ARB2A: variants seen among roughly 807,000 people sequenced by gnomAD.
ARB2A encodes cotranscriptional regulator ARB2A.
the ARB2A span, among the ~76,000 whole-genome samples, chr5:93,778,686 C>T: frequency 6.6e-6 from 1 of 152,094 alleles, no homozygotes; most frequent in Non-Finnish European, 1.5e-5. Flanking sequence ...TGAAAGTCAG[C>T]TATTAACCAG....
the ARB2A span, among the ~76,000 whole-genome samples, chr5:93,690,802 G>A: frequency 5.3e-5 from 8 of 152,140 alleles, no homozygotes; most frequent in Non-Finnish European, 1.0e-4. Context: ...ATACAGGAGA[G>A]CTCCGGCTGG....
chr5:93,983,440 C>T, the ARB2A span, among the ~76,000 whole-genome samples: 1 of 152,102 alleles, frequency 6.6e-6, no homozygotes, highest in East Asian at 1.9e-4. Flanking sequence ...ATAATTTAGG[C>T]ATCAAAATAA....
chr5:94,042,097 T>C, the ARB2A span, among the ~76,000 whole-genome samples: 2 of 152,082 alleles, frequency 1.3e-5, no homozygotes, highest in African/African-American at 4.8e-5. Flanking sequence ...AGATTAAAGG[T>C]TTAAAGGACT....
At chr5:94,035,150 C>T in the ARB2A span, among the ~76,000 whole-genome samples, 1 of 149,718 alleles carries the variant, frequency 6.7e-6, no homozygotes, top group Non-Finnish European at 1.5e-5. Flanking sequence ...CTCCAAGGAG[C>T]CCTGGCTTTT....
chr5:94,096,682 C>T, the ARB2A span, among the ~76,000 whole-genome samples: 1 of 152,090 alleles, frequency 6.6e-6, no homozygotes, highest in African/African-American at 2.4e-5. Context: ...AGAAGAGCCA[C>T]GATGGCCAGC....
At chr5:93,996,157 GTATAATA>G in the ARB2A span, among the ~76,000 whole-genome samples, 1 of 151,692 alleles carries the variant, frequency 6.6e-6, no homozygotes, top group Non-Finnish European at 1.5e-5. Context: ...GAAAGTTTTG[GTATAATA>G]TATATTATCT....
chr5:93,967,222 A>T, the ARB2A span, among the ~76,000 whole-genome samples: 5 of 152,246 alleles, frequency 3.3e-5, no homozygotes, highest in Admixed American at 6.5e-5. Context: ...AGCTGTGTTT[A>T]TAGATGGAAA....
the ARB2A span, among the ~76,000 whole-genome samples, chr5:93,936,544 C>T: frequency 6.6e-6 from 1 of 151,704 alleles, no homozygotes; most frequent in Non-Finnish European, 1.5e-5. Context: ...AATTTTTCAG[C>T]GGTAAAAATT....
the ARB2A span, among the ~76,000 whole-genome samples, chr5:93,948,720 C>G: frequency 6.6e-6 from 1 of 152,150 alleles, no homozygotes; most frequent in African/African-American, 2.4e-5. Context: ...TTTCAGCTTT[C>G]TACATACGGC....
At chr5:93,982,784 G>A in the ARB2A span, among the ~76,000 whole-genome samples, 1 of 152,238 alleles carries the variant, frequency 6.6e-6, no homozygotes, top group Admixed American at 6.5e-5. Context: ...GAAGGGCACA[G>A]TGGCTCATGC....
chr5:93,938,166 T>G, the ARB2A span, among the ~76,000 whole-genome samples: 1 of 152,110 alleles, frequency 6.6e-6, no homozygotes, highest in South Asian at 2.1e-4. Context: ...CCTAAGAAAA[T>G]TGTTTCTGAA....
At chr5:93,624,409 A>T in the ARB2A span, among the ~76,000 whole-genome samples, 1 of 152,300 alleles carries the variant, frequency 6.6e-6, no homozygotes, top group African/African-American at 2.4e-5. Flanking sequence ...GTTTCACAAA[A>T]TATAAGGAGT....
At chr5:93,843,620 G>A in the ARB2A span, among the ~76,000 whole-genome samples, 1 of 151,834 alleles carries the variant, frequency 6.6e-6, no homozygotes, top group Non-Finnish European at 1.5e-5. Context: ...GCTTTGTAGA[G>A]AGAAGGTCTC....
the ARB2A span, among the ~76,000 whole-genome samples, chr5:93,788,905 C>T: frequency 6.6e-6 from 1 of 152,264 alleles, no homozygotes; most frequent in East Asian, 1.9e-4. Flanking sequence ...ATTGGGATGG[C>T]TTCACCCTAA....
the ARB2A span, among the ~76,000 whole-genome samples, chr5:93,680,726 C>A: frequency 3.3e-5 from 5 of 151,976 alleles, no homozygotes; most frequent in African/African-American, 1.2e-4. Context: ...AGAGGATTGG[C>A]AAACAAGTAT....
At chr5:93,840,562 C>G in the ARB2A span, among the ~76,000 whole-genome samples, 1 of 152,062 alleles carries the variant, frequency 6.6e-6, no homozygotes, top group Non-Finnish European at 1.5e-5. Flanking sequence ...TTCTATCACC[C>G]ATATGTATCC....
the ARB2A span, among the ~76,000 whole-genome samples, chr5:94,095,327 G>A: frequency 6.6e-6 from 1 of 152,100 alleles, no homozygotes; most frequent in Non-Finnish European, 1.5e-5. Context: ...ACTTCTGTTT[G>A]GGCAAGATTA....
the ARB2A span, among the ~76,000 whole-genome samples, chr5:93,622,094 T>A: frequency 1.3e-5 from 2 of 152,184 alleles, no homozygotes; most frequent in Non-Finnish European, 2.9e-5. Context: ...TAAGAACAGA[T>A]GAGGAAATAC....
chr5:94,049,385 T>A, the ARB2A span, among the ~76,000 whole-genome samples: 3 of 152,122 alleles, frequency 2.0e-5, no homozygotes, highest in African/African-American at 7.2e-5. Flanking sequence ...TCTGGCATAG[T>A]AGGGGATTCA....
Sources: allele counts gnomAD v4.1 joint callset (sites outside exome capture counted in the v4.1 genomes callset), GRCh38; gene constraint gnomAD v4.1.1; transcripts MANE v1.5; gene names NCBI Gene and HGNC (gene_info 2026-07-23, HGNC 2026-07-21).